FBP1: variants seen among roughly 807,000 people sequenced by gnomAD.
The protein encoded by FBP1 is fructose-bisphosphatase 1.
A neutral mutation model predicts 29.9 loss-of-function variants in FBP1; 22 were observed. The ratio of observed to expected loss-of-function variants is 0.74; its 90% CI spans 0.53 to 1.05. The LOEUF (loss-of-function observed/expected upper bound fraction) is 1.05. FBP1 is among the 50% of genes least tolerant of loss of function. The probability of loss-of-function intolerance (pLI) is 0.00; values close to 1 mark genes in which losing one functional copy is unlikely to be tolerated. For synonymous variants in FBP1, 175 were observed against 178.6 expected (o/e 0.98, Z 0.16); for missense variants, 345 against 448.2 (o/e 0.77, Z 2.08).
intron 1 of FBP1, among the ~76,000 whole-genome samples, chr9:94,638,037 G>T (rs1033419315): frequency 6.9e-6 from 1 of 143,946 alleles, no homozygotes; most frequent in Non-Finnish European, 1.5e-5. Context: ...GGTGAGCCAA[G>T]ATCGCACCAT....
chr9:94,611,590 G>A (rs1362777051), intron 3 of FBP1, among the ~76,000 whole-genome samples: 2 of 151,968 alleles, frequency 1.3e-5, no homozygotes, highest in African/African-American at 2.4e-5. Context: ...CCATCTCTAC[G>A]AAAAAAAATT....
intron 3 of FBP1, among the ~76,000 whole-genome samples, chr9:94,614,455 G>A (rs527241837): frequency 1.3e-5 from 2 of 152,076 alleles, no homozygotes; most frequent in Admixed American, 6.5e-5. Context: ...CAGGAAAATC[G>A]CTTGAACCAG....
At chr9:94,628,032 A>T (rs1439681639) in intron 1 of FBP1, among the ~76,000 whole-genome samples, 1 of 152,212 alleles carries the variant, frequency 6.6e-6, no homozygotes, top group Non-Finnish European at 1.5e-5. Context: ...AGGGGCAGGA[A>T]GGGCAATTTT....
At position 94,603,281 on chromosome 9, in the gene FBP1, G is replaced by C. The variant is rs982857525; in HGVS notation, c.*100C>G. The C allele has an allele frequency of 3.2e-6, 3 of 950,356 alleles. No individual in the cohort carries two copies. Among genetic ancestry groups the C allele is most frequent in the African/African-American group, 3.3e-5 (2 of 61,462 alleles). 58.9% of individuals were successfully genotyped at this position (950,356 alleles called of 1,614,324 possible). On this transcript the variant is annotated 3_prime_UTR_variant, in exon 7 of 7. Coordinates refer to ENST00000375326, the MANE Select transcript of FBP1 (RefSeq NM_000507.4). ...GGAAATAGTCATGCTTTTTATTTCTGCTCTCTAGGAATGTAAGGTGCACAG... is the reference window on the plus strand; with the variant it reads ...GGAAATAGTCATGCTTTTTATTTCTCCTCTCTAGGAATGTAAGGTGCACAG...
At chr9:94,617,575 A>T (rs1295973651) in intron 3 of FBP1, among the ~76,000 whole-genome samples, 193 bp downstream of exon 3, 2 of 152,220 alleles carry the variant, frequency 1.3e-5, no homozygotes, top group South Asian at 4.1e-4. Flanking sequence ...TTTACCCTAT[A>T]TTCTCTTTCA....
At chr9:94,606,595 A>G (rs1827703561) in intron 5 of FBP1, among the ~76,000 whole-genome samples, 1 of 152,236 alleles carries the variant, frequency 6.6e-6, no homozygotes, top group South Asian at 2.1e-4. Context: ...TCGTGGGCTC[A>G]GTGTAGACGG....
intron 1 of FBP1, among the ~76,000 whole-genome samples, chr9:94,623,393 T>A (rs1430336041): frequency 1.3e-5 from 2 of 152,202 alleles, no homozygotes; most frequent in African/African-American, 4.8e-5. Context: ...GCTCCCCTGC[T>A]CTTTCTGAGC....
At chr9:94,621,713 G>A (rs1280013533) in intron 1 of FBP1, among the ~76,000 whole-genome samples, 1 of 151,924 alleles carries the variant, frequency 6.6e-6, no homozygotes, top group Non-Finnish European at 1.5e-5. Flanking sequence ...AAAAGTTTGC[G>A]GGTGTTTTTG....
chr9:94,639,345 A>T lies in FBP1; in HGVS notation c.-35T>A. On this transcript the variant is annotated 5_prime_UTR_variant, in exon 1 of 7. Transcript: ENST00000375326. The stretch of plus-strand genomic sequence containing the variant: ...GGGTAGAGCGCGGGGCTGCAGGTGC[A>T]AGCGGCAGGTGCGGGGCTGCAGGTG... The T allele has an allele frequency of 6.3e-7, 1 of 1,588,994 alleles. No individual in the cohort carries two copies. Among genetic ancestry groups the T allele is most frequent in the Non-Finnish European group, 8.6e-7 (1 of 1,167,804 alleles).
At chr9:94,608,633 C>G (rs969704482) in intron 4 of FBP1, among the ~76,000 whole-genome samples, 12 of 151,672 alleles carry the variant, frequency 7.9e-5, no homozygotes, top group African/African-American at 2.9e-4. Flanking sequence ...CAGGTCACCA[C>G]ATTTGGCGAC....
chr9:94,624,352 AAAAG>A (rs1827992606), intron 1 of FBP1, among the ~76,000 whole-genome samples: 1 of 131,144 alleles, frequency 7.6e-6, no homozygotes, highest in African/African-American at 2.9e-5. Context: ...AAAAAAAAAA[AAAAG>A]AACAGGAGGA....
rs141270413 is a variant in FBP1 at position 94,620,387 on chromosome 9, G to A, written c.275C>T (p.Thr92Met). The change falls in exon 2 of 7, where the codon ACG (threonine) becomes ATG (methionine). Residue 92 changes from threonine to methionine, a missense_variant. By Grantham distance (81) the Thr-to-Met change is moderately conservative. Transcript: ENST00000375326. ...VMNMLKSSFA[T>M]CVLVSEEDKH... is the part of the protein sequence containing the mutation. The stretch of plus-strand genomic sequence containing the variant: ...ATCTTCTTCTGACACGAGAACACAC[G>A]TGGCAAAGGATGACTTTAACATGTT... 1,073 of 1,614,182 alleles carry A rather than the reference G, an allele frequency of 6.6e-4. 1 individual carries two copies. Among genetic ancestry groups the A allele is most frequent in the Non-Finnish European group, 8.3e-4 (977 of 1,180,034 alleles).
intron 1 of FBP1, among the ~76,000 whole-genome samples, chr9:94,632,567 C>G (rs1462922927): frequency 6.6e-6 from 1 of 152,068 alleles, no homozygotes; most frequent in African/African-American, 2.4e-5. Context: ...ACCTGGAAGG[C>G]TGAGGCAGGA....
rs1024970155 is a variant in FBP1, at chr9:94,609,754, A to G, written c.567+167T>C. ...CACCTCCATAGTCTGCTCGGGAGGC[A>G]TACACTCTCTCTTGGTCTCCTGCCC... On this transcript the variant is annotated intron_variant, in intron 4 of 6. Coordinates refer to ENST00000375326, the MANE Select transcript of FBP1 (RefSeq NM_000507.4). Among the ~76,000 whole-genome samples, 89 of 152,158 alleles carry G rather than the reference A, an allele frequency of 5.8e-4. 3 individuals are homozygous for G. Among genetic ancestry groups the G allele is most frequent in the Non-Finnish European group, 2.2e-4 (15 of 68,020 alleles).
Position 94,609,912 on chromosome 9 carries a change from G to C in FBP1, c.567+9C>G, listed in dbSNP as rs1301770177. 1.9e-6 allele frequency: 3 copies of C among 1,613,834 alleles called. No individual in the cohort carries two copies. The highest frequency in any genetic ancestry group is 1.1e-5 in the South Asian group (1 of 91,060). On this transcript the variant is annotated intron_variant, in intron 4 of 6. Coordinates refer to ENST00000375326, the MANE Select transcript of FBP1 (RefSeq NM_000507.4). ...AGCCAAGCCCCCAGCCTCCTGTGAG[G>C]TCTCTCACCGGGTCCAGCATGAAGC...
At chr9:94,638,609 C>T (rs1828230575) in intron 1 of FBP1, among the ~76,000 whole-genome samples, 1 of 132,430 alleles carries the variant, frequency 7.6e-6, no homozygotes, top group Admixed American at 8.0e-5. Context: ...ACACAGGAGA[C>T]CTCCCAGCCT....
intron 1 of FBP1, among the ~76,000 whole-genome samples, chr9:94,637,024 T>C (rs1208493328): frequency 6.6e-6 from 1 of 152,046 alleles, no homozygotes; most frequent in African/African-American, 2.4e-5. Context: ...TCCCTGGTCC[T>C]CAAAGGCAGT....
intron 4 of FBP1, among the ~76,000 whole-genome samples, chr9:94,608,440 A>G (rs901237285): frequency 2.6e-5 from 4 of 152,208 alleles, no homozygotes; most frequent in African/African-American, 9.7e-5. Context: ...ACAAGAAGGG[A>G]TTGAATGTTT....
intron 1 of FBP1, among the ~76,000 whole-genome samples, chr9:94,630,335 GA>G (rs1828084151): frequency 6.6e-6 from 1 of 152,110 alleles, no homozygotes; most frequent in Non-Finnish European, 1.5e-5. Context: ...CCCAACTCCT[GA>G]AAAAAACCCT....
Sources: allele counts gnomAD v4.1 joint callset (sites outside exome capture counted in the v4.1 genomes callset), GRCh38; gene constraint gnomAD v4.1.1; transcripts MANE v1.5; gene names NCBI Gene and HGNC (gene_info 2026-07-23, HGNC 2026-07-21).